The following FOXN3 variants were observed in gnomAD, a reference collection of about 807,000 sequenced individuals.
FOXN3 encodes the protein forkhead box protein N3.
Under a neutral mutation model 38.4 loss-of-function variants are expected in FOXN3, and 7 were observed. The observed-to-expected ratio is 0.18, with a 90% CI of 0.10 to 0.34. The LOEUF (loss-of-function observed/expected upper bound fraction) is 0.34, where lower values mean the gene tolerates loss of function less well. Among genes scored for constraint, FOXN3 ranks in the 10% least tolerant of loss-of-function variants. FOXN3 has a pLI of 1.00. For missense variants in FOXN3, 456 were observed against 613.4 expected (o/e 0.74, Z 2.71); for synonymous variants, 230 against 242.2 (o/e 0.95, Z 0.47).
intron 4 of FOXN3, among the ~76,000 whole-genome samples, chr14:89,216,458 G>A (rs1217561100): frequency 2.6e-5 from 4 of 152,032 alleles, no homozygotes; most frequent in Admixed American, 1.3e-4. Flanking sequence ...CCTAACCCGG[G>A]TGCCCAACAT....
At chr14:89,380,283 C>T (rs1263883818) in intron 2 of FOXN3, among the ~76,000 whole-genome samples, 1 of 152,226 alleles carries the variant, frequency 6.6e-6, no homozygotes, top group East Asian at 1.9e-4. Flanking sequence ...GCTCCTCATT[C>T]ATCTTCTGCC....
intron 4 of FOXN3, among the ~76,000 whole-genome samples, chr14:89,228,620 C>G (rs1596117078): frequency 6.6e-6 from 1 of 152,248 alleles, no homozygotes; most frequent in East Asian, 1.9e-4. Context: ...AGGAAAGTAT[C>G]TTCAATCCTG....
chr14:89,521,246 G>A (rs948803895), intron 1 of FOXN3, among the ~76,000 whole-genome samples: 2 of 151,974 alleles, frequency 1.3e-5, no homozygotes, highest in African/African-American at 2.4e-5. Context: ...GGAGTCAGAC[G>A]TTGCAGTGAG....
chr14:89,360,627 A>AAGGC (rs1245996600), intron 2 of FOXN3, among the ~76,000 whole-genome samples: 1 of 151,504 alleles, frequency 6.6e-6, no homozygotes, highest in East Asian at 1.9e-4. Flanking sequence ...GGAAGGAAGG[A>AAGGC]AGGCTGGGGC....
intron 5 of FOXN3, among the ~76,000 whole-genome samples, chr14:89,168,122 CA>C (rs776596836): frequency 3.9e-5 from 6 of 152,130 alleles, no homozygotes; most frequent in Admixed American, 6.5e-5. Context: ...ACATTAAACA[CA>C]ATGGGAATAA....
chr14:89,182,005 C>T (rs746228159), intron 4 of FOXN3, among the ~76,000 whole-genome samples: 9 of 152,146 alleles, frequency 5.9e-5, no homozygotes, highest in Non-Finnish European at 1.2e-4. Context: ...TCTGGCTGTG[C>T]CCATATAGTC....
intron 4 of FOXN3, among the ~76,000 whole-genome samples, chr14:89,265,201 C>G (rs1038174975): frequency 2.6e-5 from 4 of 152,152 alleles, no homozygotes; most frequent in Non-Finnish European, 5.9e-5. Flanking sequence ...CCATCTTTAG[C>G]GATTTTTAAA....
chr14:89,590,472 AC>A, intron 1 of FOXN3, among the ~76,000 whole-genome samples: 1 of 152,200 alleles, frequency 6.6e-6, no homozygotes, highest in Non-Finnish European at 1.5e-5. Flanking sequence ...AAATGCATTC[AC>A]CCCACTGAAT....
Position 89,164,682 on chromosome 14 carries a change from A to G in FOXN3, c.852-1713T>C, listed in dbSNP as rs916407699. ...GTGGCTGAGAGCATGAAGCTTGGGA[A>G]ATGACTGTGGGTCTCCACCACCATG... On this transcript the variant is annotated intron_variant, in intron 5 of 5. Coordinates refer to ENST00000557258, the MANE Select transcript of FOXN3 (RefSeq NM_005197.4). This position sits in a 1 kb window ranked among gnomAD's most constrained non-coding sequence, Gnocchi z 4.3. Among the ~76,000 whole-genome samples, 1 of 152,120 alleles carries G rather than the reference A, an allele frequency of 6.6e-6. No individual in the cohort carries two copies. The highest frequency in any genetic ancestry group is 2.4e-5 in the African/African-American group (1 of 41,420).
At chr14:89,316,161 C>T (rs185838300) in intron 3 of FOXN3, among the ~76,000 whole-genome samples, 105 of 152,282 alleles carry the variant, frequency 6.9e-4, no homozygotes, top group African/African-American at 2.4e-3. Flanking sequence ...TTGGGGCTTG[C>T]TTTCTCTTGT....
intron 3 of FOXN3, among the ~76,000 whole-genome samples, chr14:89,325,530 G>A (rs1596185684): frequency 6.6e-6 from 1 of 152,336 alleles, no homozygotes; most frequent in African/African-American, 2.4e-5. Flanking sequence ...TCTAAATGGA[G>A]GGTGGAGAAC....
chr14:89,554,615 C>T (rs139171943), intron 1 of FOXN3, among the ~76,000 whole-genome samples: 3 of 152,054 alleles, frequency 2.0e-5, no homozygotes, highest in African/African-American at 7.2e-5. Flanking sequence ...AACTTTCTCA[C>T]CTCTGTGGCC....
upstream of FOXN3, chr14:89,417,787 T>G (rs1468303595): frequency 2.2e-6 from 1 of 454,312 alleles, no homozygotes; most frequent in Non-Finnish European, 4.4e-6. Context: ...GACCACCTCG[T>G]GTCCCGGAGG....
chr14:89,301,645 G>A (rs1445556932), intron 3 of FOXN3, among the ~76,000 whole-genome samples: 2 of 152,126 alleles, frequency 1.3e-5, no homozygotes, highest in East Asian at 3.9e-4. Context: ...GCAGGCTCCT[G>A]TAATCCCAGC....
At chr14:89,289,107 A>C (rs1886773974) in intron 3 of FOXN3, among the ~76,000 whole-genome samples, 2 of 149,724 alleles carry the variant, frequency 1.3e-5, no homozygotes, top group African/African-American at 4.9e-5. Flanking sequence ...GCTTGAACCC[A>C]GGAGGCAGAG....
At chr14:89,602,298 A>G (rs957488504) in intron 1 of FOXN3, among the ~76,000 whole-genome samples, 1 of 151,566 alleles carries the variant, frequency 6.6e-6, no homozygotes, top group African/African-American at 2.4e-5. Flanking sequence ...CAAAAAAAAA[A>G]ACACATGCGA....
intron 1 of FOXN3, among the ~76,000 whole-genome samples, chr14:89,456,029 C>T (rs1410691535): frequency 6.6e-6 from 1 of 151,864 alleles, no homozygotes; most frequent in East Asian, 1.9e-4. Context: ...CCCGTGTCTA[C>T]TAAAAATATA....
At position 89,162,549 on chromosome 14, in the gene FOXN3, G is replaced by A. The variant is rs529494902; in HGVS notation, c.1272C>T (p.Pro424=). The A allele has an allele frequency of 8.1e-6, 13 of 1,613,838 alleles. No homozygotes were observed. In the African/African-American group the frequency reaches 9.3e-5, roughly 12 times the overall value. ...PLKKRRTEKP[P]ESDDEEMKEA... ...CTTTCATCTCCTCATCATCGCTCTC[G>A]GGGGGCTTTTCGGTGCGTCTCTTTT... The change falls in exon 6 of 6, where the codon CCC becomes CCT. Residue 424 remains proline, a synonymous_variant. Transcript: ENST00000557258. This position sits in a 1 kb window ranked among gnomAD's most constrained non-coding sequence, Gnocchi z 7.2.
At chr14:89,557,648 G>T (rs1895154697) in intron 1 of FOXN3, among the ~76,000 whole-genome samples, 1 of 152,168 alleles carries the variant, frequency 6.6e-6, no homozygotes, top group African/African-American at 2.4e-5. Context: ...AGATTCTGTT[G>T]CAAGCATCGG....
Sources: gnomAD v4.1 joint callset for allele counts (sites outside exome capture counted in the v4.1 genomes callset) on GRCh38, gnomAD v4.1.1 for gene constraint, Gnocchi (gnomAD v3.1) non-coding constraint, MANE v1.5 for transcripts, NCBI Gene and HGNC (gene_info 2026-07-23, HGNC 2026-07-21) for gene names.